The following RPS6KA2 variants were observed in gnomAD, a reference collection of about 807,000 sequenced individuals.
RPS6KA2 encodes ribosomal protein S6 kinase alpha-2.
RPS6KA2 carries 42 observed loss-of-function variants against 91.8 expected under a neutral mutation model. That is an observed-to-expected ratio of 0.46 (90% CI 0.36 to 0.59). The LOEUF (loss-of-function observed/expected upper bound fraction) is 0.59. RPS6KA2 is among the 20% of genes least tolerant of loss of function. The pLI, the probability that RPS6KA2 is intolerant of heterozygous loss-of-function variation, is 0.00. For missense variants in RPS6KA2, 798 were observed against 978.5 expected (o/e 0.82, Z 2.46); for synonymous variants, 414 against 393.6 (o/e 1.05, Z -0.61).
chr6:166,715,830 G>A (rs1480194040), intron 2 of RPS6KA2, among the ~76,000 whole-genome samples: 3 of 152,082 alleles, frequency 2.0e-5, no homozygotes, highest in Non-Finnish European at 4.4e-5. Flanking sequence ...CTGAGGTCAG[G>A]AGTTCAAGAC....
rs1781708551 is a variant in RPS6KA2 at position 166,494,368 on chromosome 6, G to A, written c.748-3627C>T. ...CTACAGATGAATGGTCCAGTGGCAA[G>A]CAGCAGAGCCTGAGCTCAGAACCAT... On this transcript the variant is annotated intron_variant, in intron 8 of 20. Transcript: ENST00000265678. The surrounding 1 kb of genome is among the most constrained non-coding windows in gnomAD (Gnocchi z 5.1). 2.0e-5 allele frequency among the ~76,000 whole-genome samples: 3 copies of A among 152,226 alleles called. No individual in the cohort carries two copies. Among genetic ancestry groups the A allele is most frequent in the Admixed American group, 1.3e-4 (2 of 15,282 alleles).
chr6:166,440,312 T>C (rs984055216), intron 14 of RPS6KA2: 1 of 152,174 alleles, frequency 6.6e-6, no homozygotes, highest in African/African-American at 2.4e-5. Context: ...TTATTGCTGA[T>C]GACCGTCCTC....
Position 166,437,609 on chromosome 6 carries a change from C to T in RPS6KA2, c.1333-5119G>A, listed in dbSNP as rs1779372213. On this transcript the variant is annotated intron_variant, in intron 14 of 20. Transcript: ENST00000265678. This position sits in a 1 kb window ranked among gnomAD's most constrained non-coding sequence, Gnocchi z 4.3. The stretch of plus-strand genomic sequence containing the variant: ...GTAAATAAACTTTCCATGGTGTTGC[C>T]ACCGAGCAGGCTGAATATTTCCACC... Among the ~76,000 whole-genome samples the T allele has an allele frequency of 6.6e-6, 1 of 152,234 alleles. No individual in the cohort carries two copies. The highest frequency in any genetic ancestry group is 1.5e-5 in the Non-Finnish European group (1 of 68,040).
In RPS6KA2 at chr6:166,738,022, T is replaced by C. The variant is rs191323774; in HGVS notation, c.123+120178A>G. Among the ~76,000 whole-genome samples the C allele has an allele frequency of 1.8e-3, 273 of 152,354 alleles. 1 individual carries two copies. The highest frequency in any genetic ancestry group is 6.8e-3 in the Middle Eastern group (2 of 294). On this transcript the variant is annotated intron_variant, in intron 2 of 21. Coordinates refer to the RPS6KA2 transcript ENST00000503859. ...TTATATGCATTCATACCATATTGTA[T>C]TCATTTTTAAATTAAAGTACTATTT... is the stretch of plus-strand genomic sequence containing the variant.
intron 5 of RPS6KA2, among the ~76,000 whole-genome samples, chr6:166,505,346 A>G (rs1782167794): frequency 6.6e-6 from 1 of 152,194 alleles, no homozygotes; most frequent in Non-Finnish European, 1.5e-5. Flanking sequence ...CGAAACATGC[A>G]TGAGGCCTCG....
intron 10 of RPS6KA2, among the ~76,000 whole-genome samples, chr6:166,485,461 A>G (rs1781374891): frequency 6.6e-6 from 1 of 152,140 alleles, no homozygotes; most frequent in Non-Finnish European, 1.5e-5. Flanking sequence ...TCCAGCTGGG[A>G]GGGTTACTTC....
chr6:166,741,076 G>A (rs1245757783), intron 2 of RPS6KA2, among the ~76,000 whole-genome samples: 6 of 152,186 alleles, frequency 3.9e-5, no homozygotes, highest in African/African-American at 1.2e-4. Context: ...CATCCAAAGG[G>A]GTACAGATAA....
intron 2 of RPS6KA2, among the ~76,000 whole-genome samples, chr6:166,693,951 T>C (rs1789287423): frequency 6.6e-6 from 1 of 152,220 alleles, no homozygotes; most frequent in Non-Finnish European, 1.5e-5. Context: ...CTCAAAGAAA[T>C]TCCTTTCTCC....
At chr6:166,725,855 A>G (rs373824801) in intron 2 of RPS6KA2, among the ~76,000 whole-genome samples, 1 of 152,196 alleles carries the variant, frequency 6.6e-6, no homozygotes, top group African/African-American at 2.4e-5. Context: ...GAGGGAAAGC[A>G]GTGTCAGCTG....
Position 166,448,606 on chromosome 6 carries a change from C to G in RPS6KA2, c.1332+118G>C. 1 of 1,304,206 alleles carries G rather than the reference C, an allele frequency of 7.7e-7. No individual in the cohort carries two copies. The highest frequency in any genetic ancestry group is 1.0e-6 in the Non-Finnish European group (1 of 957,210). 80.8% of individuals were successfully genotyped at this position (1,304,206 alleles called of 1,614,324 possible). The stretch of plus-strand genomic sequence containing the variant: ...CTCCCATGTGCTGTACATGCTCCCA[C>G]ACGCTGCACTCACACAGGGCCCTGC... On this transcript the variant is annotated intron_variant, in intron 14 of 20. Transcript: ENST00000265678. The surrounding 1 kb of genome is among the most constrained non-coding windows in gnomAD (Gnocchi z 4.7).
At chr6:166,649,456 G>GT in intron 2 of RPS6KA2, among the ~76,000 whole-genome samples, 1 of 152,262 alleles carries the variant, frequency 6.6e-6, no homozygotes, top group South Asian at 2.1e-4. Context: ...GCTATGTATC[G>GT]TAATTCCCAA....
intron 1 of RPS6KA2, among the ~76,000 whole-genome samples, chr6:166,571,032 G>C (rs1297120949): frequency 6.6e-6 from 1 of 152,224 alleles, no homozygotes; most frequent in Non-Finnish European, 1.5e-5. Context: ...GCGTGAGAGA[G>C]AAGTCGCACT....
Position 166,451,208 on chromosome 6 carries a change from T to G in RPS6KA2, c.1101A>C (p.Ala367=). 6.2e-7 allele frequency: 1 copy of G among 1,614,046 alleles called. No homozygotes were observed. The highest frequency in any genetic ancestry group is 8.5e-7 in the Non-Finnish European group (1 of 1,179,974). ...ATCCTCTAAACAGGTGATGAGCGTT[T>G]GCACTCGGGGGGACGCCAGGAGAGT... is the stretch of plus-strand genomic sequence containing the variant. ...PTDSPGVPPS[A]NAHHLFRGFS... is the part of the protein sequence containing the mutation. The change falls in exon 13 of 21, where the codon GCA becomes GCC. Residue 367 remains alanine (A), a synonymous_variant. Transcript: ENST00000265678.
intron 2 of RPS6KA2, among the ~76,000 whole-genome samples, chr6:166,815,372 G>T (rs1264773645): frequency 6.6e-6 from 1 of 152,186 alleles, no homozygotes; most frequent in Admixed American, 6.5e-5. Context: ...TGCTTCACTG[G>T]ATGTGAGGTG....
At chr6:166,810,035 C>G (rs1420637210) in intron 2 of RPS6KA2, among the ~76,000 whole-genome samples, 1 of 152,190 alleles carries the variant, frequency 6.6e-6, no homozygotes, top group African/African-American at 2.4e-5. Flanking sequence ...ACTCAGGAAA[C>G]TTACAATCAT....
chr6:166,627,337 A>T, upstream of RPS6KA2: 2 of 561,914 alleles, frequency 3.6e-6, no homozygotes, highest in Non-Finnish European at 4.5e-6. Flanking sequence ...CCCGGCACGC[A>T]CACCTCCTCC....
At chr6:166,806,767 CTGTT>C (rs1261070738) in intron 2 of RPS6KA2, among the ~76,000 whole-genome samples, 1 of 151,860 alleles carries the variant, frequency 6.6e-6, no homozygotes, top group Non-Finnish European at 1.5e-5. Context: ...TGTAACTCCA[CTGTT>C]TGTTTTCTAC....
chr6:166,626,328 C>T lies in RPS6KA2; in HGVS notation c.99+593G>A, dbSNP rs1030993290. Reference sequence around the variant, plus strand: ...GGACGAATCTGTATCAGCCTCGGCGCTGCGAGGATATTGCATCAGGCTCTT... The same window carrying T: ...GGACGAATCTGTATCAGCCTCGGCGTTGCGAGGATATTGCATCAGGCTCTT... On this transcript the variant is annotated intron_variant, in intron 1 of 20. Transcript: ENST00000265678. The surrounding 1 kb of genome is among the most constrained non-coding windows in gnomAD (Gnocchi z 4.1). 2.0e-5 allele frequency among the ~76,000 whole-genome samples: 3 copies of T among 152,230 alleles called. No homozygotes were observed. The highest frequency in any genetic ancestry group is 6.5e-5 in the Admixed American group (1 of 15,288).
rs184747687 is a variant in RPS6KA2, at chr6:166,662,802, G to C, written c.124-124018C>G. 1.6e-3 allele frequency among the ~76,000 whole-genome samples: 248 copies of C among 152,260 alleles called. 2 individuals carry two copies. Among genetic ancestry groups the C allele is most frequent in the Admixed American group, 0.014 (207 of 15,300 alleles). On this transcript the variant is annotated intron_variant, in intron 2 of 21. Coordinates refer to the RPS6KA2 transcript ENST00000503859. This position sits in a 1 kb window ranked among gnomAD's most constrained non-coding sequence, Gnocchi z 4.3. ...TACTTAGACTGTGACTGTGTGGAGA[G>C]AGGACCTTTCAAAGGGGAATTCCAT... is the stretch of plus-strand genomic sequence containing the variant.
Sources: gnomAD v4.1 joint callset for allele counts (sites outside exome capture counted in the v4.1 genomes callset) on GRCh38, gnomAD v4.1.1 for gene constraint, Gnocchi (gnomAD v3.1) non-coding constraint, MANE v1.5 for transcripts, NCBI Gene and HGNC (gene_info 2026-07-23, HGNC 2026-07-21) for gene names.